Variants in PDCD6IP observed in about 807,000 individuals in gnomAD.
PDCD6IP encodes programmed cell death 6 interacting protein.
Under a neutral mutation model 103.7 loss-of-function variants are expected in PDCD6IP, and 43 were observed. The observed-to-expected ratio is 0.41, with a 90% confidence interval of 0.32 to 0.53. PDCD6IP has a LOEUF of 0.53. Among genes scored for constraint, PDCD6IP ranks in the 20% least tolerant of loss-of-function variants. The probability of loss-of-function intolerance (pLI) is 0.16; values close to 1 mark genes in which losing one functional copy is unlikely to be tolerated. For missense variants in PDCD6IP, 871 were observed against 1,036.7 expected (o/e 0.84, Z 2.20); for synonymous variants, 354 against 378.7 (o/e 0.93, Z 0.76).
rs770670015 is a variant in PDCD6IP at position 33,852,669 on chromosome 3, A to G, written c.1823A>G (p.Tyr608Cys). ...TCTGTTACTGAACTAGATCGAGTCT[A>G]TGGAGGTCTTACAACTAAAGTCCAA... is the stretch of plus-strand genomic sequence containing the variant. Reference protein sequence around the residue: ...ALSVTELDRVYGGLTTKVQES... With the variant: ...ALSVTELDRVCGGLTTKVQES... The change falls in exon 13 of 18, where the codon TAT (tyrosine) becomes TGT (cysteine). Residue 608 changes from tyrosine (Y) to cysteine (C), a missense_variant. This residue lies in a region of PDCD6IP where 266 missense variants were observed against 390.5 expected (regional missense o/e 0.68). Transcript: ENST00000307296. 1.1e-5 allele frequency: 17 copies of G among 1,595,820 alleles called. No individual in the cohort carries two copies. Among genetic ancestry groups the G allele is most frequent in the Non-Finnish European group, 1.4e-5 (16 of 1,175,376 alleles).
intron 7 of PDCD6IP, among the ~76,000 whole-genome samples, chr3:33,835,792 A>G (rs1349290962): frequency 6.6e-6 from 1 of 152,196 alleles, no homozygotes; most frequent in Non-Finnish European, 1.5e-5. Flanking sequence ...TGATGGGCTC[A>G]TGGATTTCTT....
At chr3:33,805,120 G>A (rs565220409) in intron 1 of PDCD6IP, among the ~76,000 whole-genome samples, 4 of 152,244 alleles carry the variant, frequency 2.6e-5, no homozygotes, top group African/African-American at 9.6e-5. Flanking sequence ...ACTTTGGGAG[G>A]CTGAGGCGGG....
chr3:33,832,549 A>G (rs1027802883), intron 7 of PDCD6IP, among the ~76,000 whole-genome samples: 2 of 152,220 alleles, frequency 1.3e-5, no homozygotes, highest in African/African-American at 4.8e-5. Flanking sequence ...ATATGGATCC[A>G]GTTTTTAAAG....
At chr3:33,827,098 T>TA in intron 6 of PDCD6IP, 1 of 985,424 alleles carries the variant, frequency 1.0e-6, no homozygotes, top group South Asian at 4.7e-5. Flanking sequence ...AATGGACAGC[T>TA]AAGGAAAGCA....
At chr3:33,813,511 A>G in intron 2 of PDCD6IP, 48 bp from the exon 3 acceptor site, 2 of 1,099,946 alleles carry the variant, frequency 1.8e-6, no homozygotes, top group Non-Finnish European at 1.3e-6. Context: ...ATATTTAATG[A>G]GATTCAGGAA....
In PDCD6IP at chr3:33,865,350, A is replaced by C; in HGVS notation, c.2352A>C (p.Pro784=). The C allele has an allele frequency of 6.2e-7, 1 of 1,601,498 alleles. No homozygotes were observed. ...CAGTGGGGGCTGGGACTGCTGCGCCAGCTCCATCACAAACGCCTGGCTCAG... is the reference window on the plus strand; with the variant it reads ...CAGTGGGGGCTGGGACTGCTGCGCCCGCTCCATCACAAACGCCTGGCTCAG... ...PSPVGAGTAA[P]APSQTPGSAP... is the part of the protein sequence containing the mutation. The change falls in exon 17 of 18, where the codon CCA becomes CCC. Residue 784 remains proline (P), a synonymous_variant. Transcript: ENST00000307296.
chr3:33,846,603 A>G (rs982339566), intron 12 of PDCD6IP, among the ~76,000 whole-genome samples: 6 of 152,304 alleles, frequency 3.9e-5, no homozygotes, highest in Non-Finnish European at 7.4e-5. Flanking sequence ...TTCTTAAGAG[A>G]TTGGCACATT....
chr3:33,837,840 G>A (rs1218752802), intron 8 of PDCD6IP, among the ~76,000 whole-genome samples: 3 of 151,960 alleles, frequency 2.0e-5, no homozygotes, highest in African/African-American at 4.8e-5. Flanking sequence ...CACCTGCCTC[G>A]GCCTCCCAAA....
intron 9 of PDCD6IP, among the ~76,000 whole-genome samples, chr3:33,841,611 T>C (rs1346321638): frequency 2.0e-5 from 3 of 150,896 alleles, no homozygotes; most frequent in Non-Finnish European, 3.0e-5. Flanking sequence ...GCTAATTTTT[T>C]GTATTTTTAG....
At chr3:33,801,615 G>A (rs1028002176) in intron 1 of PDCD6IP, among the ~76,000 whole-genome samples, 8 of 144,712 alleles carry the variant, frequency 5.5e-5, no homozygotes, top group Admixed American at 4.4e-4. Flanking sequence ...ATACTGAGAC[G>A]CTGTCTCAAA....
chr3:33,807,652 A>G (rs1215608040), intron 1 of PDCD6IP, among the ~76,000 whole-genome samples: 2 of 152,032 alleles, frequency 1.3e-5, no homozygotes, highest in Non-Finnish European at 2.9e-5. Flanking sequence ...CTGTCTCCCT[A>G]TGGCTCCTTT....
chr3:33,838,317 T>G lies in PDCD6IP; in HGVS notation c.1171T>G (p.Leu391Val). 1 of 1,612,602 alleles carries G rather than the reference T, an allele frequency of 6.2e-7. No homozygotes were observed. Among genetic ancestry groups the G allele is most frequent in the South Asian group, 1.1e-5 (1 of 90,896 alleles). The stretch of plus-strand genomic sequence containing the variant: ...TGCTCAGATGAGAGAAGCCACCACT[T>G]TGGCAAATGGGTAGGTAGAGCTTAA... The part of the protein sequence containing the change: ...SIAQMREATT[L>V]ANGVLASLNL... Residue 391 changes from leucine to valine, a missense_variant, in exon 9 of 18, where the codon TTG (leucine) becomes GTG (valine). Around this residue, in one of 5 missense-constraint regions of PDCD6IP, gnomAD observed 266 missense variants for 390.5 expected, o/e 0.68. Transcript: ENST00000307296.
At chr3:33,825,912 T>C (rs1374666658) in intron 5 of PDCD6IP, among the ~76,000 whole-genome samples, 1 of 152,166 alleles carries the variant, frequency 6.6e-6, no homozygotes, top group Non-Finnish European at 1.5e-5. Context: ...CAGGAGGTCC[T>C]CTTTAAAGTA....
intron 8 of PDCD6IP, among the ~76,000 whole-genome samples, chr3:33,837,171 C>T (rs111960839): frequency 0.04 from 6,152 of 152,288 alleles, 190 homozygotes; most frequent in South Asian, 0.074. Flanking sequence ...CCACCTGCCT[C>T]AGCCTCCCAA....
chr3:33,849,875 T>C lies in PDCD6IP; in HGVS notation c.1642-2613T>C, dbSNP rs577457956. On this transcript the variant is annotated intron_variant, in intron 12 of 17. Coordinates refer to ENST00000307296, the MANE Select transcript of PDCD6IP (RefSeq NM_013374.6). The stretch of plus-strand genomic sequence containing the variant: ...ATGTTCATAATATAAGGGATCTCTA[T>C]CTTTGTGTGGTAGTCCACAAGTTCG... 7.9e-5 allele frequency among the ~76,000 whole-genome samples: 12 copies of C among 152,352 alleles called. No individual in the cohort carries two copies. The East Asian group carries it at 1.3e-3, about 17-fold the overall frequency.
At chr3:33,848,875 A>C (rs1301125517) in intron 12 of PDCD6IP, among the ~76,000 whole-genome samples, 3 of 151,688 alleles carry the variant, frequency 2.0e-5, no homozygotes, top group Non-Finnish European at 4.4e-5. Context: ...AAAATGTAAA[A>C]CTCTACTTTC....
At chr3:33,849,027 A>G (rs1277880060) in intron 12 of PDCD6IP, among the ~76,000 whole-genome samples, 2 of 152,246 alleles carry the variant, frequency 1.3e-5, no homozygotes, top group Non-Finnish European at 2.9e-5. Flanking sequence ...CTTTCACACT[A>G]CAAAGCAGAG....
chr3:33,814,789 CAT>C (rs1696806056), intron 3 of PDCD6IP, among the ~76,000 whole-genome samples: 1 of 143,288 alleles, frequency 7.0e-6, no homozygotes, highest in African/African-American at 2.5e-5. Flanking sequence ...TATTTGTATA[CAT>C]ATATACATTT....
At chr3:33,819,922 A>G (rs1353178913) in intron 3 of PDCD6IP, among the ~76,000 whole-genome samples, 1 of 152,232 alleles carries the variant, frequency 6.6e-6, no homozygotes, top group Admixed American at 6.5e-5. Context: ...AAGTACATTT[A>G]CATTATTGTG....
Sources: gnomAD v4.1 joint callset for allele counts (sites outside exome capture counted in the v4.1 genomes callset) on GRCh38, gnomAD v4.1.1 for gene constraint, gnomAD v4.1.1 regional missense constraint, MANE v1.5 for transcripts, NCBI Gene and HGNC (gene_info 2026-07-23, HGNC 2026-07-21) for gene names.